A3GALT2: variants seen among roughly 807,000 people sequenced by gnomAD.
A3GALT2 encodes alpha 1,3-galactosyltransferase 2.
A3GALT2 carries 14 observed loss-of-function variants against 16.6 expected under a neutral mutation model. The ratio of observed to expected loss-of-function variants is 0.84; its 90% CI spans 0.56 to 1.32. A3GALT2 has a LOEUF of 1.32. Ranked by LOEUF, A3GALT2 falls within the 40% of genes most tolerant of loss-of-function variation. The pLI, the probability that A3GALT2 is intolerant of heterozygous loss-of-function variation, is 0.00. For missense variants in A3GALT2, 600 were observed against 490.9 expected, an observed-to-expected ratio of 1.22 and a Z score of -2.10; for synonymous variants, 253 against 218.0, an observed-to-expected ratio of 1.16 and a Z score of -1.42.
intron 1 of A3GALT2, among the ~76,000 whole-genome samples, chr1:33,316,740 G>A (rs1570429000): frequency 6.6e-6 from 1 of 152,336 alleles, no homozygotes; most frequent in East Asian, 1.9e-4. Flanking sequence ...TTGTCTGGTT[G>A]GAGGAAGGGG....
At chr1:33,308,561 C>A (rs1007288385) in intron 4 of A3GALT2, among the ~76,000 whole-genome samples, 1 of 151,856 alleles carries the variant, frequency 6.6e-6, no homozygotes, top group Non-Finnish European at 1.5e-5. Flanking sequence ...GCCACCACCA[C>A]GCCCGGCCAA....
At chr1:33,311,313 C>T (rs925180918) in intron 4 of A3GALT2, among the ~76,000 whole-genome samples, 1 of 152,126 alleles carries the variant, frequency 6.6e-6, no homozygotes, top group Non-Finnish European at 1.5e-5. Flanking sequence ...TTCCCGTGCC[C>T]TCCACGGTCA....
At chr1:33,308,750 GTTTTTTTTTTTTT>G (rs56655319) in intron 4 of A3GALT2, among the ~76,000 whole-genome samples, 525 of 46,142 alleles carry the variant, frequency 0.011, 24 homozygotes, top group African/African-American at 0.058. Context: ...TGTCAAAGTT[GTTTTTTTTTTTTT>G]TTTTTTTTTT....
chr1:33,312,409 G>C (rs1570426754), intron 3 of A3GALT2, 92 bp downstream of exon 3: 1 of 1,369,290 alleles, frequency 7.3e-7, no homozygotes, highest in East Asian at 2.3e-5. Context: ...TGGCTCTGCT[G>C]GGGTGGGAGA....
chr1:33,320,385 C>G lies in A3GALT2; in HGVS notation c.23+691G>C, dbSNP rs1646280550. ...AGGGCAAACCGATGCTTATTCTGGGCTCTGGGCCTCAGCCAGGGCACACAG... is the reference window on the plus strand; with the variant it reads ...AGGGCAAACCGATGCTTATTCTGGGGTCTGGGCCTCAGCCAGGGCACACAG... On this transcript the variant is annotated intron_variant, in intron 1 of 4. Transcript: ENST00000442999. The surrounding 1 kb of genome is among the most constrained non-coding windows in gnomAD (Gnocchi z 4.3). 6.6e-6 allele frequency among the ~76,000 whole-genome samples: 1 copy of G among 152,050 alleles called. No individual in the cohort carries two copies. Among genetic ancestry groups the G allele is most frequent in the African/African-American group, 2.4e-5 (1 of 41,448 alleles).
chr1:33,306,978 G>A lies in A3GALT2; in HGVS notation c.811C>T (p.His271Tyr), dbSNP rs1570422248. Residue 271 changes from histidine (H) to tyrosine (Y), a missense_variant, in exon 5 of 5, where the codon CAC becomes TAC. By Grantham distance (83) the His-to-Tyr change is moderately conservative. Coordinates refer to ENST00000442999, the MANE Select transcript of A3GALT2 (RefSeq NM_001080438.1). The stretch of plus-strand genomic sequence containing the variant: ...TCCCAGTCCAGGCCCCCCGCACAGT[G>A]CGCCGTCAGCCCGCGCAGCGCCGCC... Reference protein sequence around the residue: ...SVAALRGLTAHCAGGLDWDRA... With the variant: ...SVAALRGLTAYCAGGLDWDRA... 1 of 1,478,970 alleles carries A rather than the reference G, an allele frequency of 6.8e-7. No homozygotes were observed. The highest frequency in any genetic ancestry group is 8.9e-7 in the Non-Finnish European group (1 of 1,121,824). 91.6% of individuals were successfully genotyped at this position (1,478,970 alleles called of 1,614,324 possible). A position where few individuals can be genotyped will look rare whatever the true frequency, so the allele number is the denominator to read the frequency against.
At chr1:33,308,761 T>TTG (rs1553181297) in intron 4 of A3GALT2, among the ~76,000 whole-genome samples, 29 of 111,176 alleles carry the variant, frequency 2.6e-4, no homozygotes, top group African/African-American at 1.4e-3. Context: ...TTTTTTTTTT[T>TTG]TTTTTTTTTT....
In A3GALT2 at chr1:33,312,163, G is replaced by A. The variant is rs1339461559; in HGVS notation, c.224C>T (p.Thr75Ile). ...CCAAATAATGGGAGCCCCCCAGGGG[G>A]TACAGGTCAGAACTTCAGGCCGGGC... The part of the protein sequence containing the change: ...PWARPEVLTC[T>I]PWGAPIIWDG... The change falls in exon 4 of 5, where the codon ACC becomes ATC. Residue 75 changes from threonine (T) to isoleucine (I), a missense_variant. Coordinates refer to ENST00000442999, the MANE Select transcript of A3GALT2 (RefSeq NM_001080438.1). 1 of 1,613,490 alleles carries A rather than the reference G, an allele frequency of 6.2e-7. No homozygotes were observed. The highest frequency in any genetic ancestry group is 1.7e-5 in the Admixed American group (1 of 59,962).
intron 4 of A3GALT2, 105 bp from the exon 5 acceptor site, chr1:33,307,558 C>G: frequency 1.1e-6 from 1 of 888,526 alleles, no homozygotes; most frequent in East Asian, 3.6e-5. Context: ...CCCACTCCCA[C>G]CCCACCCTCA....
chr1:33,307,177 G>T lies in A3GALT2; in HGVS notation c.612C>A (p.Phe204Leu), dbSNP rs571090392. ...FMFCMDVDQH[F>L]SGTFGPEALA... ...GCGCCTCGGGCCCAAAAGTGCCGCTGAAGTGCTGGTCCACGTCCATGCAGA... is the reference window on the plus strand; with the variant it reads ...GCGCCTCGGGCCCAAAAGTGCCGCTTAAGTGCTGGTCCACGTCCATGCAGA... Residue 204 changes from phenylalanine (F) to leucine (L), a missense_variant, in exon 5 of 5, where the codon TTC becomes TTA. Physicochemically the swap from Phe to Leu is conservative, Grantham distance 22. Transcript: ENST00000442999. 89 of 1,551,948 alleles carry T rather than the reference G, an allele frequency of 5.7e-5. 1 individual carries two copies. The South Asian group carries it at 9.7e-4, about 17-fold the overall frequency.
chr1:33,318,340 C>G (rs532785835), intron 1 of A3GALT2, among the ~76,000 whole-genome samples: 2 of 152,256 alleles, frequency 1.3e-5, no homozygotes, highest in Admixed American at 1.3e-4. Flanking sequence ...TCAGCAAACC[C>G]TGGGGGTTCT....
chr1:33,309,189 A>G (rs1463075013), intron 4 of A3GALT2, among the ~76,000 whole-genome samples: 3 of 152,196 alleles, frequency 2.0e-5, no homozygotes, highest in Non-Finnish European at 4.4e-5. Context: ...CACAGTAACA[A>G]TCTGATTTCT....
chr1:33,312,388 G>A, intron 3 of A3GALT2, 113 bp downstream of exon 3: 1 of 1,307,036 alleles, frequency 7.7e-7, no homozygotes, highest in South Asian at 1.4e-5. Context: ...TGGACTTGGT[G>A]GCAGAGTGCC....
chr1:33,312,463 G>A (rs753776921), intron 3 of A3GALT2, 38 bp downstream of exon 3: 9 of 1,526,408 alleles, frequency 5.9e-6, no homozygotes, highest in Non-Finnish European at 8.0e-6. Context: ...GTAGGGTTTG[G>A]GGGTGCCCTT....
chr1:33,312,828 A>C lies in A3GALT2; in HGVS notation c.86T>G (p.Leu29Arg). Residue 29 changes from leucine (L) to arginine (R), a missense_variant, in exon 2 of 5, where the codon CTG (leucine) becomes CGG (arginine). By Grantham distance (102) the Leu-to-Arg change is moderately radical. Transcript: ENST00000442999. ...LLTLGLLGLF[L>R]YGLPKFRHLE... Reference sequence around the variant, plus strand: ...TTACCTGAATTTAGGGAGGCCATACAGAAACAGGCCTAAGAGGCCAAGTGT... The same window carrying C: ...TTACCTGAATTTAGGGAGGCCATACCGAAACAGGCCTAAGAGGCCAAGTGT... 1 of 1,603,826 alleles carries C rather than the reference A, an allele frequency of 6.2e-7. No homozygotes were observed. Among genetic ancestry groups the C allele is most frequent in the Non-Finnish European group, 8.5e-7 (1 of 1,175,270 alleles).
chr1:33,318,810 C>T (rs952030631), intron 1 of A3GALT2, among the ~76,000 whole-genome samples: 17 of 152,202 alleles, frequency 1.1e-4, no homozygotes, highest in African/African-American at 4.1e-4. Context: ...ACCTCTCCTC[C>T]AGTACCTGCC....
chr1:33,317,794 T>G (rs979050211), intron 1 of A3GALT2, among the ~76,000 whole-genome samples: 17 of 152,244 alleles, frequency 1.1e-4, no homozygotes, highest in Non-Finnish European at 2.4e-4. Flanking sequence ...TTTGGAGTTT[T>G]GAATATTTGC....
Position 33,308,976 on chromosome 1 carries a change from G to A in A3GALT2, c.336-1523C>T, listed in dbSNP as rs1198814482. 2.0e-5 allele frequency among the ~76,000 whole-genome samples: 3 copies of A among 151,494 alleles called. No homozygotes were observed. In the East Asian group the frequency reaches 5.8e-4, roughly 29 times the overall value. On this transcript the variant is annotated intron_variant, in intron 4 of 4. Transcript: ENST00000442999. The stretch of plus-strand genomic sequence containing the variant: ...TTAGGGAGCGGTGATGACTCTTAAC[G>A]AGCATGCTGCCTTCAAGCATCTGTT...
chr1:33,318,406 C>G (rs985297805), intron 1 of A3GALT2, among the ~76,000 whole-genome samples: 1 of 152,040 alleles, frequency 6.6e-6, no homozygotes, highest in Non-Finnish European at 1.5e-5. Context: ...GCCATTCACT[C>G]TCCCCTTCCT....
Sources: allele counts gnomAD v4.1 joint callset (sites outside exome capture counted in the v4.1 genomes callset), GRCh38; gene constraint gnomAD v4.1.1; non-coding constraint Gnocchi (gnomAD v3.1); transcripts MANE v1.5; gene names NCBI Gene and HGNC (gene_info 2026-07-23, HGNC 2026-07-21).